Variants in MANBA observed in about 807,000 individuals in gnomAD.
MANBA encodes the protein beta-mannosidase.
In MANBA, 83 loss-of-function variants were observed where a neutral mutation model predicts 111.1. The ratio of observed to expected loss-of-function variants is 0.75; its 90% confidence interval spans 0.63 to 0.90. The LOEUF is 0.90. Ranked by LOEUF, MANBA falls within the 40% of genes least tolerant of loss-of-function variation. MANBA has a pLI of 0.00. For missense variants in MANBA, 1,036 were observed against 1,069.0 expected, an observed-to-expected ratio of 0.97 and a Z score of 0.43; for synonymous variants, 370 against 378.7, an observed-to-expected ratio of 0.98 and a Z score of 0.27.
chr4:102,666,410 G>T (rs1424243719), intron 10 of MANBA: 1 of 152,204 alleles, frequency 6.6e-6, no homozygotes, highest in South Asian at 2.1e-4. Flanking sequence ...GACGCAGAGG[G>T]GAATGAGTCC....
At position 102,631,039 on chromosome 4, in the gene MANBA, A is replaced by G. The variant is rs1729353089; in HGVS notation, c.*1018T>C. 6.6e-6 allele frequency: 1 copy of G among 152,102 alleles called. No individual in the cohort carries two copies. Among genetic ancestry groups the G allele is most frequent in the African/African-American group, 2.4e-5 (1 of 41,368 alleles). The allele number at this position is 152,102 out of a possible 1,614,324, so 9.4% of individuals were successfully genotyped here. On this transcript the variant is annotated 3_prime_UTR_variant, in exon 17 of 17. Transcript: ENST00000647097. Reference sequence around the variant, plus strand: ...TTTACAATAGTCATAAGAACATGACATAATATTTACCAAGTAAGACTCTAC... The same window carrying G: ...TTTACAATAGTCATAAGAACATGACGTAATATTTACCAAGTAAGACTCTAC...
At chr4:102,756,815 A>AG (rs1724041109) in intron 1 of MANBA, among the ~76,000 whole-genome samples, 1 of 149,430 alleles carries the variant, frequency 6.7e-6, no homozygotes, top group Non-Finnish European at 1.5e-5. Context: ...AAAAAAAAAA[A>AG]AAAAAAGAAG....
chr4:102,719,155 C>A (rs983591032), intron 4 of MANBA, among the ~76,000 whole-genome samples: 2 of 152,124 alleles, frequency 1.3e-5, no homozygotes, highest in African/African-American at 2.4e-5. Flanking sequence ...TTATCTCAAC[C>A]GCATAAGACA....
chr4:102,699,539 C>A (rs1185408874), intron 5 of MANBA, among the ~76,000 whole-genome samples: 1 of 150,274 alleles, frequency 6.7e-6, no homozygotes, highest in Non-Finnish European at 1.5e-5. Flanking sequence ...CCCATCAATA[C>A]CTAATTTATT....
In MANBA at chr4:102,723,932, A is replaced by G. The variant is rs1288636364; in HGVS notation, c.308T>C (p.Val103Ala). 6.2e-7 allele frequency: 1 copy of G among 1,610,900 alleles called. No individual in the cohort carries two copies. Among genetic ancestry groups the G allele is most frequent in the Admixed American group, 1.7e-5 (1 of 59,902 alleles). ...WQKVNLILEGVDTVSKILFNE... is the reference protein window; with the variant it reads ...WQKVNLILEGADTVSKILFNE... ...GAACAGGATTTTTGAAACCGTATCCACTCCCTCAAGAATCAAATTTACTTT... is the reference window on the plus strand; with the variant it reads ...GAACAGGATTTTTGAAACCGTATCCGCTCCCTCAAGAATCAAATTTACTTT... The change falls in exon 3 of 17, where the codon GTG (valine) becomes GCG (alanine). Residue 103 changes from valine to alanine, a missense_variant. Val to Ala is a moderately conservative substitution (Grantham distance 64). Transcript: ENST00000647097.
intron 13 of MANBA, among the ~76,000 whole-genome samples, chr4:102,642,290 G>T (rs1341260209): frequency 6.6e-6 from 1 of 152,164 alleles, no homozygotes; most frequent in Non-Finnish European, 1.5e-5. Flanking sequence ...ACTGTTAGCA[G>T]ACAAATGAAT....
Position 102,664,834 on chromosome 4 carries a change from G to A in MANBA, c.1336C>T (p.His446Tyr). 2 of 1,605,854 alleles carry A rather than the reference G, an allele frequency of 1.2e-6. No homozygotes were observed. Among genetic ancestry groups the A allele is most frequent in the African/African-American group, 1.3e-5 (1 of 74,844 alleles). The stretch of plus-strand genomic sequence containing the variant: ...CCACTCCATATGATGATAGAAGGAT[G>A]AGATTTCAGTCTCTTGATCTGAAAA... ...VAYQIKRLKS[H>Y]PSIIIWSGNN... Residue 446 changes from histidine to tyrosine, a missense_variant, in exon 11 of 17, where the codon CAT (histidine) becomes TAT (tyrosine). Coordinates refer to ENST00000647097, the MANE Select transcript of MANBA (RefSeq NM_005908.4).
At chr4:102,652,878 CA>C (rs1730399576) in intron 12 of MANBA, among the ~76,000 whole-genome samples, 1 of 152,088 alleles carries the variant, frequency 6.6e-6, no homozygotes, top group African/African-American at 2.4e-5. Context: ...CTGGGTGACA[CA>C]GCTAGACCCT....
chr4:102,637,794 T>C (rs6533022), intron 14 of MANBA, among the ~76,000 whole-genome samples: 83,564 of 152,048 alleles, frequency 0.55, 23,401 homozygotes, highest in African/African-American at 0.63. Context: ...ATACAGCAGT[T>C]AGAATGTTTC....
intron 1 of MANBA, chr4:102,752,059 A>C: frequency 1.3e-6 from 1 of 756,130 alleles, no homozygotes; most frequent in Non-Finnish European, 2.5e-6. Context: ...TACAGTCCCT[A>C]CAGAAGAAGA....
chr4:102,708,011 A>C (rs951864705), intron 5 of MANBA, among the ~76,000 whole-genome samples: 3 of 152,166 alleles, frequency 2.0e-5, no homozygotes, highest in Non-Finnish European at 4.4e-5. Flanking sequence ...AGATTCATGA[A>C]GCAAATATTA....
intron 4 of MANBA, among the ~76,000 whole-genome samples, chr4:102,716,708 C>T (rs570425248): frequency 6.6e-6 from 1 of 152,140 alleles, no homozygotes; most frequent in African/African-American, 2.4e-5. Context: ...GCTATAAGTT[C>T]AGCTTTTAAA....
intron 1 of MANBA, chr4:102,752,162 T>C (rs1047685155): frequency 1.3e-6 from 1 of 783,188 alleles, no homozygotes; most frequent in African/African-American, 1.7e-5. Context: ...AGCAATTTCC[T>C]CAGTTCTGTG....
At chr4:102,742,904 C>T (rs1723457292) in intron 1 of MANBA, among the ~76,000 whole-genome samples, 1 of 123,320 alleles carries the variant, frequency 8.1e-6, no homozygotes, top group South Asian at 3.0e-4. Flanking sequence ...GTCTCTGCTG[C>T]TGGCAAATTG....
intron 5 of MANBA, among the ~76,000 whole-genome samples, chr4:102,712,328 G>C (rs896141751): frequency 1.3e-5 from 2 of 152,160 alleles, no homozygotes; most frequent in Non-Finnish European, 2.9e-5. Context: ...AGTCACTAGT[G>C]ACTAATAAAG....
intron 5 of MANBA, among the ~76,000 whole-genome samples, chr4:102,692,990 A>G (rs1732552277): frequency 6.6e-6 from 1 of 152,306 alleles, no homozygotes; most frequent in Non-Finnish European, 1.5e-5. Flanking sequence ...TATCATTCGC[A>G]TCTCCCATCA....
At chr4:102,745,084 C>T (rs1004646142) in intron 1 of MANBA, among the ~76,000 whole-genome samples, 4 of 152,148 alleles carry the variant, frequency 2.6e-5, no homozygotes, top group Non-Finnish European at 5.9e-5. Flanking sequence ...CCATTAATTA[C>T]CTGATCTCCA....
chr4:102,660,246 T>C (rs1364516532), intron 11 of MANBA, among the ~76,000 whole-genome samples: 2 of 152,182 alleles, frequency 1.3e-5, no homozygotes, highest in African/African-American at 4.8e-5. Context: ...TCAGTCACTC[T>C]GAGTAGTAGC....
intron 7 of MANBA, among the ~76,000 whole-genome samples, chr4:102,676,485 G>C (rs1163300662): frequency 6.6e-6 from 1 of 151,944 alleles, no homozygotes; most frequent in Non-Finnish European, 1.5e-5. Context: ...TAGATGAAAA[G>C]TTAGTCGAGG....
Sources: allele counts gnomAD v4.1 joint callset (sites outside exome capture counted in the v4.1 genomes callset), GRCh38; gene constraint gnomAD v4.1.1; transcripts MANE v1.5; gene names NCBI Gene and HGNC (gene_info 2026-07-23, HGNC 2026-07-21).